RABGAP1: variants seen among roughly 807,000 people sequenced by gnomAD.
RABGAP1 encodes rab GTPase-activating protein 1.
A neutral mutation model predicts 137.6 loss-of-function variants in RABGAP1; 23 were observed. The ratio of observed to expected loss-of-function variants is 0.17; its 90% CI spans 0.12 to 0.24. The LOEUF is 0.24. RABGAP1 is among the 10% of genes least tolerant of loss of function. RABGAP1 has a pLI of 1.00. For missense variants in RABGAP1, 906 were observed against 1,275.8 expected (o/e 0.71, Z 4.42); for synonymous variants, 451 against 450.7 (o/e 1.00, Z -0.01).
rs184811521 is a variant in RABGAP1, at chr9:122,967,065, G to A, written c.150+9856G>A. 1.0e-3 allele frequency among the ~76,000 whole-genome samples: 154 copies of A among 152,330 alleles called. No homozygotes were observed. The Middle Eastern group carries it at 0.01, about 10-fold the overall frequency. On this transcript the variant is annotated intron_variant, in intron 2 of 25. Transcript: ENST00000373647. The stretch of plus-strand genomic sequence containing the variant: ...ATTTGGGTGGGGACACAGCCAAACC[G>A]TATCACTAGGAGAGCAGAATTCCTT...
intron 11 of RABGAP1, among the ~76,000 whole-genome samples, chr9:123,014,632 A>T (rs2031075293): frequency 6.7e-6 from 1 of 150,108 alleles, no homozygotes; most frequent in Non-Finnish European, 1.5e-5. Flanking sequence ...ACCGAGACTG[A>T]GTAATTTATA....
rs904469105 is a variant in RABGAP1, at chr9:122,993,267, A to AATTATT, written c.924-2761_924-2756dup. 3.9e-5 allele frequency among the ~76,000 whole-genome samples: 6 copies of AATTATT among 151,956 alleles called. No individual in the cohort carries two copies. The South Asian group carries it at 1.2e-3, about 32-fold the overall frequency. On this transcript the variant is annotated intron_variant, in intron 6 of 25. Coordinates refer to ENST00000373647, the MANE Select transcript of RABGAP1 (RefSeq NM_012197.4). ...CATTTCTGAAAAAGTATAATTTTTA[A>AATTATT]ATTATTATTATTATTATTTTGAGAC...
intron 1 of RABGAP1, among the ~76,000 whole-genome samples, chr9:122,954,267 A>G (rs977893627): frequency 6.6e-6 from 1 of 152,110 alleles, no homozygotes; most frequent in African/African-American, 2.4e-5. Flanking sequence ...GGTTTTATCT[A>G]TGTTTGTGGA....
chr9:123,077,021 A>T (rs1255279127), intron 19 of RABGAP1: 1 of 19,164 alleles, frequency 5.2e-5, no homozygotes, highest in Non-Finnish European at 9.6e-5. Flanking sequence ...CAACCGCCAA[A>T]CTATAGAAGA....
At position 123,018,158 on chromosome 9, in the gene RABGAP1, C is replaced by G. The variant is rs141818849; in HGVS notation, c.1644-2151C>G. Among the ~76,000 whole-genome samples the G allele has an allele frequency of 2.4e-4, 36 of 152,180 alleles. No homozygotes were observed. The East Asian group carries it at 6.0e-3, about 25-fold the overall frequency. ...TACAGGTGCCCGCCACCTCGTCCGGCTAATTTTTTGTATTTTTAGTAGAGA... is the reference window on the plus strand; with the variant it reads ...TACAGGTGCCCGCCACCTCGTCCGGGTAATTTTTTGTATTTTTAGTAGAGA... On this transcript the variant is annotated intron_variant, in intron 12 of 25. Coordinates refer to ENST00000373647, the MANE Select transcript of RABGAP1 (RefSeq NM_012197.4).
At chr9:122,960,480 A>G (rs1337244341) in intron 2 of RABGAP1, among the ~76,000 whole-genome samples, 1 of 152,216 alleles carries the variant, frequency 6.6e-6, no homozygotes, top group Non-Finnish European at 1.5e-5. Flanking sequence ...ACACTAGACA[A>G]TGGAATCTAC....
chr9:122,966,922 C>T (rs1289171197), intron 2 of RABGAP1, among the ~76,000 whole-genome samples: 1 of 152,136 alleles, frequency 6.6e-6, no homozygotes, highest in Non-Finnish European at 1.5e-5. Context: ...CATCAGATCT[C>T]GTGAGACTCA....
the RABGAP1 span, among the ~76,000 whole-genome samples, chr9:122,934,027 C>T: frequency 6.6e-6 from 1 of 151,986 alleles, no homozygotes; most frequent in Non-Finnish European, 1.5e-5. Flanking sequence ...TCCCAAAGTA[C>T]TGCGGTTGTA....
At chr9:122,990,270 G>C in intron 6 of RABGAP1, 57 bp downstream of exon 6, 1 of 1,420,692 alleles carries the variant, frequency 7.0e-7, no homozygotes, top group East Asian at 2.4e-5. Context: ...GGAAATTCTA[G>C]GTCAGATTAT....
intron 20 of RABGAP1, among the ~76,000 whole-genome samples, 188 bp from the exon 21 acceptor site, chr9:123,090,087 G>C (rs181881811): frequency 1.3e-5 from 2 of 152,328 alleles, no homozygotes; most frequent in Admixed American, 6.5e-5. Flanking sequence ...AAAGTCACTT[G>C]AATCAGTTAA....
chr9:123,065,684 G>A (rs1224069769), intron 14 of RABGAP1: 1 of 460,944 alleles, frequency 2.2e-6, no homozygotes, highest in African/African-American at 2.0e-5. Flanking sequence ...CTTCTAATCA[G>A]GATTTTTAGA....
At chr9:122,949,650 A>G (rs1220857647) in intron 1 of RABGAP1, among the ~76,000 whole-genome samples, 1 of 148,414 alleles carries the variant, frequency 6.7e-6, no homozygotes, top group African/African-American at 2.6e-5. Context: ...AGCCAAGATC[A>G]TACCACTGCA....
rs552106689 is a variant in RABGAP1 at position 123,018,794 on chromosome 9, C to T, written c.1644-1515C>T. Among the ~76,000 whole-genome samples, 6 of 152,326 alleles carry T rather than the reference C, an allele frequency of 3.9e-5. No individual in the cohort carries two copies. The East Asian group carries it at 1.2e-3, about 29-fold the overall frequency. Reference sequence around the variant, plus strand: ...TCTGTGAACATTTTGAGAAAAATCACAGGCCTTTTTATAATTTGATAGTGG... The same window carrying T: ...TCTGTGAACATTTTGAGAAAAATCATAGGCCTTTTTATAATTTGATAGTGG... On this transcript the variant is annotated intron_variant, in intron 12 of 25. Transcript: ENST00000373647.
intron 21 of RABGAP1, among the ~76,000 whole-genome samples, chr9:123,095,761 C>T (rs901351470): frequency 6.6e-6 from 1 of 151,420 alleles, no homozygotes; most frequent in Admixed American, 6.6e-5. Flanking sequence ...CAGCTGCATT[C>T]CACATACTCT....
intron 10 of RABGAP1, among the ~76,000 whole-genome samples, chr9:122,999,790 T>G (rs879060888): frequency 6.6e-6 from 1 of 151,840 alleles, no homozygotes; most frequent in Non-Finnish European, 1.5e-5. Flanking sequence ...CCATCTCTCT[T>G]CTCTTTGATT....
intron 12 of RABGAP1, among the ~76,000 whole-genome samples, chr9:123,018,684 T>C (rs1471504172): frequency 2.0e-5 from 3 of 152,268 alleles, no homozygotes; most frequent in Non-Finnish European, 4.4e-5. Context: ...AGAAAACTAT[T>C]GAACTGTCCA....
chr9:123,011,752 C>G (rs1447239366), intron 11 of RABGAP1, among the ~76,000 whole-genome samples: 1 of 151,972 alleles, frequency 6.6e-6, no homozygotes, highest in South Asian at 2.1e-4. Context: ...GTCAGGAGTT[C>G]GAGACTAGTC....
At chr9:122,978,532 G>T (rs563575292) in intron 2 of RABGAP1, among the ~76,000 whole-genome samples, 16 of 152,274 alleles carry the variant, frequency 1.1e-4, no homozygotes, top group African/African-American at 3.9e-4. Context: ...CAACTTGGGA[G>T]GCTGAGATGG....
chr9:123,087,751 G>A (rs763600985), intron 19 of RABGAP1, among the ~76,000 whole-genome samples: 7 of 152,114 alleles, frequency 4.6e-5, no homozygotes, highest in Non-Finnish European at 1.0e-4. Context: ...CTCTGATTGA[G>A]GCAGACCTGC....
Sources: allele counts gnomAD v4.1 joint callset (sites outside exome capture counted in the v4.1 genomes callset), GRCh38; gene constraint gnomAD v4.1.1; transcripts MANE v1.5; gene names NCBI Gene and HGNC (gene_info 2026-07-23, HGNC 2026-07-21).